ZNF654: variants seen among roughly 807,000 people sequenced by gnomAD.
The protein encoded by ZNF654 is melanoma-associated antigen.
In ZNF654, 19 loss-of-function variants were observed where a neutral mutation model predicts 95.3. The ratio of observed to expected loss-of-function variants is 0.20; its 90% CI spans 0.14 to 0.29. The LOEUF (loss-of-function observed/expected upper bound fraction) is 0.29. ZNF654 is among the 10% of genes least tolerant of loss of function. The pLI, the probability that ZNF654 is intolerant of heterozygous loss-of-function variation, is 1.00. For missense variants in ZNF654, 1,046 were observed against 1,341.0 expected (o/e 0.78, Z 3.44); for synonymous variants, 413 against 457.9 (o/e 0.90, Z 1.25).
intron 3 of ZNF654, among the ~76,000 whole-genome samples, chr3:88,125,603 A>G (rs1559726893): frequency 6.6e-6 from 1 of 152,132 alleles, no homozygotes; most frequent in Non-Finnish European, 1.5e-5. Context: ...TAATTATCCA[A>G]CAAAGGGAAA....
chr3:88,101,429 T>A (rs1297410773), intron 2 of ZNF654, among the ~76,000 whole-genome samples: 1 of 152,178 alleles, frequency 6.6e-6, no homozygotes, highest in Non-Finnish European at 1.5e-5. Context: ...TTAAAAATAG[T>A]CTTGCGAAAT....
chr3:88,079,227 CTT>C (rs1375608687), intron 1 of ZNF654, among the ~76,000 whole-genome samples: 3 of 152,012 alleles, frequency 2.0e-5, no homozygotes, highest in Non-Finnish European at 4.4e-5. Flanking sequence ...TGACTGAAGT[CTT>C]ATGTTCCATA....
intron 1 of ZNF654, among the ~76,000 whole-genome samples, chr3:88,069,440 TCTCAA>T (rs1707384225): frequency 6.6e-6 from 1 of 152,034 alleles, no homozygotes; most frequent in Non-Finnish European, 1.5e-5. Context: ...AGAAAGTGAT[TCTCAA>T]CTCTTAGTCC....
intron 2 of ZNF654, among the ~76,000 whole-genome samples, chr3:88,104,211 G>A (rs1339748318): frequency 1.3e-5 from 2 of 152,174 alleles, no homozygotes; most frequent in East Asian, 1.9e-4. Context: ...AAATTTGGAT[G>A]TATCTAAGGA....
intron 1 of ZNF654, among the ~76,000 whole-genome samples, chr3:88,077,254 A>G (rs1707855717): frequency 6.6e-6 from 1 of 151,806 alleles, no homozygotes; most frequent in Admixed American, 6.5e-5. Context: ...ACTCACCAAT[A>G]TAGGCAGTGT....
chr3:88,136,670 G>A (rs1373266067), intron 7 of ZNF654, among the ~76,000 whole-genome samples: 1 of 152,142 alleles, frequency 6.6e-6, no homozygotes, highest in Non-Finnish European at 1.5e-5. Flanking sequence ...GAAGTGGGTG[G>A]GGGATGAGAC....
At chr3:88,110,845 C>A (rs980267862) in intron 2 of ZNF654, among the ~76,000 whole-genome samples, 1 of 152,086 alleles carries the variant, frequency 6.6e-6, no homozygotes, top group African/African-American at 2.4e-5. Flanking sequence ...TGCTGACTTC[C>A]TTAAAACTTC....
intron 6 of ZNF654, among the ~76,000 whole-genome samples, chr3:88,130,646 G>A (rs1200874647): frequency 2.8e-5 from 4 of 140,916 alleles, no homozygotes; most frequent in African/African-American, 1.0e-4. Flanking sequence ...GGTAGAGATG[G>A]GGATTCATTG....
Position 88,109,783 on chromosome 3 carries a change from T to C in ZNF654, c.333-3332T>C, listed in dbSNP as rs552886035. Reference sequence around the variant, plus strand: ...GGACTAAAATTTTTTTATAAATGTATAAACTGAACATATTAAACATGGTAA... The same window carrying C: ...GGACTAAAATTTTTTTATAAATGTACAAACTGAACATATTAAACATGGTAA... On this transcript the variant is annotated intron_variant, in intron 2 of 8. Coordinates refer to ENST00000636215, the MANE Select transcript of ZNF654 (RefSeq NM_001350134.2). Among the ~76,000 whole-genome samples, 9 of 152,246 alleles carry C rather than the reference T, an allele frequency of 5.9e-5. No homozygotes were observed. In the East Asian group the frequency reaches 1.2e-3, roughly 20 times the overall value.
chr3:88,085,575 A>C (rs780497410), intron 1 of ZNF654, among the ~76,000 whole-genome samples: 1 of 152,214 alleles, frequency 6.6e-6, no homozygotes, highest in African/African-American at 2.4e-5. Context: ...CATTCTTGCA[A>C]CATAGCAATT....
At chr3:88,061,239 T>C (rs570929060) in intron 1 of ZNF654, among the ~76,000 whole-genome samples, 10 of 152,134 alleles carry the variant, frequency 6.6e-5, no homozygotes, top group Non-Finnish European at 1.3e-4. Flanking sequence ...AATTTGTTTG[T>C]TTTGCTTTTT....
In ZNF654 at chr3:88,129,794, A is replaced by G. The variant is rs1418770552; in HGVS notation, c.861A>G (p.Pro287=). The change falls in exon 6 of 9, where the codon CCA becomes CCG. Residue 287 remains proline (P), a synonymous_variant. Coordinates refer to ENST00000636215, the MANE Select transcript of ZNF654 (RefSeq NM_001350134.2). ...AACTCTGTGAATCCTTTCTTATTCCACAGCTCCAGAATGGGGATATGTACT... is the reference window on the plus strand; with the variant it reads ...AACTCTGTGAATCCTTTCTTATTCCGCAGCTCCAGAATGGGGATATGTACT... The part of the protein sequence containing the change: ...ALQLCESFLI[P]QLQNGDMYCI... 6.6e-7 allele frequency: 1 copy of G among 1,526,096 alleles called. No individual in the cohort carries two copies. 94.5% of individuals were successfully genotyped at this position (1,526,096 alleles called of 1,614,324 possible). A position where few individuals can be genotyped will look rare whatever the true frequency, so the allele number is the denominator to read the frequency against.
chr3:88,114,181 T>C lies in ZNF654; in HGVS notation c.414+985T>C, dbSNP rs149985530. Among the ~76,000 whole-genome samples the C allele has an allele frequency of 5.4e-3, 816 of 152,190 alleles. 6 individuals are homozygous for C. Among genetic ancestry groups the C allele is most frequent in the African/African-American group, 0.018 (753 of 41,540 alleles). On this transcript the variant is annotated intron_variant, in intron 3 of 8. Transcript: ENST00000636215. ...TAGGGACAGAAAGACAATCAAACCT[T>C]TATAAATGAAAAATTGACAGATTCC...
intron 2 of ZNF654, among the ~76,000 whole-genome samples, chr3:88,092,037 T>C (rs1428561968): frequency 2.0e-5 from 3 of 152,328 alleles, no homozygotes; most frequent in South Asian, 4.1e-4. Flanking sequence ...AAAAGAAATA[T>C]GTTATCTTGA....
chr3:88,092,219 A>G (rs1238185225), intron 2 of ZNF654, among the ~76,000 whole-genome samples: 3 of 152,172 alleles, frequency 2.0e-5, no homozygotes, highest in African/African-American at 7.2e-5. Context: ...TTTTATTTAA[A>G]TATTTAATCA....
chr3:88,098,116 C>G (rs1704176841), intron 2 of ZNF654, among the ~76,000 whole-genome samples: 1 of 151,996 alleles, frequency 6.6e-6, no homozygotes, highest in East Asian at 1.9e-4. Context: ...AGAGAAGAAT[C>G]AAATAGATGC....
At chr3:88,081,984 A>G (rs747550665) in intron 1 of ZNF654, among the ~76,000 whole-genome samples, 7 of 152,212 alleles carry the variant, frequency 4.6e-5, no homozygotes, top group Admixed American at 2.0e-4. Context: ...AAAACATTTT[A>G]GGTATTTAGA....
Position 88,140,477 on chromosome 3 carries a change from C to T in ZNF654, c.2808C>T (p.Asp936=), listed in dbSNP as rs202143526. The part of the protein sequence containing the change: ...TCIESMEKKT[D]SLVQNGNERS... ...TAGAAAGTATGGAAAAGAAAACAGA[C>T]AGTTTAGTTCAGAATGGAAACGAAC... Residue 936 remains aspartate (D), a synonymous_variant, in exon 8 of 9, where the codon GAC becomes GAT. Transcript: ENST00000636215. 1.6e-5 allele frequency: 26 copies of T among 1,613,548 alleles called. 1 individual carries two copies. In the South Asian group the frequency reaches 2.6e-4, roughly 16 times the overall value.
At chr3:88,076,499 T>C (rs1707809262) in intron 1 of ZNF654, among the ~76,000 whole-genome samples, 1 of 152,238 alleles carries the variant, frequency 6.6e-6, no homozygotes, top group Non-Finnish European at 1.5e-5. Context: ...TCTTTTCTTT[T>C]ATCTTAATCA....
Sources: gnomAD v4.1 joint callset for allele counts (sites outside exome capture counted in the v4.1 genomes callset) on GRCh38, gnomAD v4.1.1 for gene constraint, MANE v1.5 for transcripts, NCBI Gene and HGNC (gene_info 2026-07-23, HGNC 2026-07-21) for gene names.